The following DAB2IP variants were observed in gnomAD, a reference collection of about 807,000 sequenced individuals.
The protein encoded by DAB2IP is disabled homolog 2-interacting protein.
In DAB2IP, 28 loss-of-function variants were observed where a neutral mutation model predicts 107.2. That is an observed-to-expected ratio of 0.26 (90% CI 0.19 to 0.36). The LOEUF is 0.36. Among genes scored for constraint, DAB2IP ranks in the 10% least tolerant of loss-of-function variants. DAB2IP has a pLI of 1.00. For synonymous variants in DAB2IP, 755 were observed against 706.4 expected, an observed-to-expected ratio of 1.07 and a Z score of -1.09; for missense variants, 1,400 against 1,644.7, an observed-to-expected ratio of 0.85 and a Z score of 2.57.
At chr9:121,682,470 G>A (rs535724167) in intron 2 of DAB2IP, among the ~76,000 whole-genome samples, 9 of 152,304 alleles carry the variant, frequency 5.9e-5, no homozygotes, top group African/African-American at 2.2e-4. Context: ...GCTTGTCAGA[G>A]GTCACCACCC....
intron 1 of DAB2IP, among the ~76,000 whole-genome samples, chr9:121,615,470 G>C (rs923335889): frequency 6.6e-6 from 1 of 152,090 alleles, no homozygotes; most frequent in African/African-American, 2.4e-5. Flanking sequence ...GGAAACCAAA[G>C]CCCAGAGAAC....
At chr9:121,604,659 T>G (rs1342922130) in intron 1 of DAB2IP, among the ~76,000 whole-genome samples, 1 of 152,174 alleles carries the variant, frequency 6.6e-6, no homozygotes, top group Non-Finnish European at 1.5e-5. Context: ...CTCCATTTGT[T>G]CTCATTGCCC....
At position 121,763,886 on chromosome 9, in the gene DAB2IP, G is replaced by A. The variant is rs926537043; in HGVS notation, c.1460+7G>A. 2.5e-6 allele frequency: 4 copies of A among 1,613,174 alleles called. No individual in the cohort carries two copies. The African/African-American group carries it at 5.3e-5, about 22-fold the overall frequency. Reference sequence around the variant, plus strand: ...AGATCATCAACTCCTACTGGTCAGTGCGGTGCCCAGGTCTCCCCACCCTGT... The same window carrying A: ...AGATCATCAACTCCTACTGGTCAGTACGGTGCCCAGGTCTCCCCACCCTGT... On this transcript the variant is annotated splice_region_variant and intron_variant, in intron 8 of 15. Transcript: ENST00000408936.
chr9:121,593,677 T>C (rs1830463057), intron 1 of DAB2IP, among the ~76,000 whole-genome samples: 1 of 148,620 alleles, frequency 6.7e-6, no homozygotes, highest in Non-Finnish European at 1.5e-5. Flanking sequence ...TTTTTTCTTT[T>C]TTTTTTTTGT....
rs543452491 is a variant in DAB2IP, at chr9:121,757,173, C to T, written c.516+7C>T. On this transcript the variant is annotated splice_region_variant and intron_variant, in intron 4 of 15. Transcript: ENST00000408936. The stretch of plus-strand genomic sequence containing the variant: ...CCAGGACTACTGCTTCGAGGTGGGT[C>T]CCATCACAGGGGTTGGGGTGGACAC... The T allele has an allele frequency of 6.2e-6, 10 of 1,613,262 alleles. No homozygotes were observed. In the Admixed American group the frequency reaches 1.0e-4, roughly 16 times the overall value.
intron 14 of DAB2IP, among the ~76,000 whole-genome samples, chr9:121,780,423 G>A (rs963395327): frequency 2.0e-5 from 3 of 152,232 alleles, no homozygotes; most frequent in African/African-American, 7.2e-5. Flanking sequence ...AACCGGCCCC[G>A]GCACAGTGGC....
intron 1 of DAB2IP, among the ~76,000 whole-genome samples, chr9:121,661,685 CAAT>C (rs780824172): frequency 6.6e-6 from 1 of 152,210 alleles, no homozygotes; most frequent in Non-Finnish European, 1.5e-5. Context: ...ACAACAACAA[CAAT>C]AATAATGTTT....
At position 121,615,948 on chromosome 9, in the gene DAB2IP, G is replaced by A. The variant is rs375301255; in HGVS notation, c.40+48720G>A. On this transcript the variant is annotated intron_variant, in intron 1 of 16. Coordinates refer to the DAB2IP transcript ENST00000259371. Reference sequence around the variant, plus strand: ...GCCTCAAAGATCTTTTGGCCTTGTCGAGGTGGCGAGATGGACATATGGAAT... The same window carrying A: ...GCCTCAAAGATCTTTTGGCCTTGTCAAGGTGGCGAGATGGACATATGGAAT... 4.6e-5 allele frequency among the ~76,000 whole-genome samples: 7 copies of A among 152,262 alleles called. No homozygotes were observed. In the East Asian group the frequency reaches 5.8e-4, roughly 13 times the overall value.
At chr9:121,758,145 G>A (rs550780337) in intron 4 of DAB2IP, among the ~76,000 whole-genome samples, 9 of 152,334 alleles carry the variant, frequency 5.9e-5, no homozygotes, top group South Asian at 2.1e-4. Context: ...CTCGAATGCC[G>A]TGTGAGGAGT....
At chr9:121,784,522 CTTAT>C (rs1344040353) in exon 16 of DAB2IP, 3 of 154,388 alleles carry the variant, frequency 1.9e-5, no homozygotes, top group African/African-American at 7.2e-5. Flanking sequence ...GGCCGAGAGC[CTTAT>C]TTACCTAGTG....
At chr9:121,689,822 C>T (rs528565937) in intron 2 of DAB2IP, among the ~76,000 whole-genome samples, 1 of 152,344 alleles carries the variant, frequency 6.6e-6, no homozygotes, top group East Asian at 1.9e-4. Flanking sequence ...GGAAAGAATT[C>T]AGAGATCAGC....
chr9:121,761,739 C>T (rs1409195498), intron 6 of DAB2IP, among the ~76,000 whole-genome samples: 3 of 152,198 alleles, frequency 2.0e-5, no homozygotes, highest in African/African-American at 2.4e-5. Context: ...CTAGGCTGCA[C>T]GTTGGGCCAG....
At chr9:121,621,002 C>A (rs1422072821) in intron 1 of DAB2IP, among the ~76,000 whole-genome samples, 1 of 152,208 alleles carries the variant, frequency 6.6e-6, no homozygotes. Context: ...CCTGCTCCCC[C>A]AGGTCCCAAC....
intron 3 of DAB2IP, among the ~76,000 whole-genome samples, chr9:121,704,051 G>A (rs1037515933): frequency 6.6e-6 from 1 of 151,942 alleles, no homozygotes; most frequent in Non-Finnish European, 1.5e-5. Flanking sequence ...CTTCCGTTTG[G>A]GTCATACTTG....
chr9:121,715,086 C>T (rs961123514), intron 3 of DAB2IP, among the ~76,000 whole-genome samples: 3 of 152,228 alleles, frequency 2.0e-5, no homozygotes, highest in Admixed American at 6.5e-5. Context: ...GAACCCATGC[C>T]AAGGGGCATG....
Position 121,772,708 on chromosome 9 carries a change from C to G in DAB2IP, c.2180C>G (p.Ser727Trp). 6.2e-7 allele frequency: 1 copy of G among 1,613,996 alleles called. No individual in the cohort carries two copies. The highest frequency in any genetic ancestry group is 8.5e-7 in the Non-Finnish European group (1 of 1,180,010). The change falls in exon 12 of 16, where the codon TCG becomes TGG. Residue 727 changes from serine (S) to tryptophan (W), a missense_variant. This residue lies in a region of DAB2IP where 600 missense variants were observed against 659.1 expected (regional missense o/e 0.91). Coordinates refer to ENST00000408936, the Ensembl canonical transcript of DAB2IP. The surrounding 1 kb of genome is among the most constrained non-coding windows in gnomAD (Gnocchi z 4.7). The stretch of plus-strand genomic sequence containing the variant: ...GTCCAGCCCTCACCTGCCCGCAGCT[C>G]GAGTTACTCGGAAGCCAACGAGCCT...
chr9:121,686,827 C>T (rs1357311957), intron 2 of DAB2IP, among the ~76,000 whole-genome samples: 3 of 152,190 alleles, frequency 2.0e-5, no homozygotes, highest in Non-Finnish European at 2.9e-5. Flanking sequence ...CCCCACATTT[C>T]CTCCAGAGCC....
Position 121,760,361 on chromosome 9 carries a change from G to A in DAB2IP, c.1092G>A (p.Glu364=), listed in dbSNP as rs758957940. The stretch of plus-strand genomic sequence containing the variant: ...ACCTGGGGCTGTGTGCAGCCCTCGA[G>A]CCCATCCTCAGTGCCAAGACCAAGG... The change falls in exon 6 of 16, where the codon GAG becomes GAA. Residue 364 remains glutamate, a synonymous_variant. Coordinates refer to ENST00000408936, the Ensembl canonical transcript of DAB2IP. The surrounding 1 kb of genome is among the most constrained non-coding windows in gnomAD (Gnocchi z 5.9). 4 of 1,612,338 alleles carry A rather than the reference G, an allele frequency of 2.5e-6. No individual in the cohort carries two copies. The highest frequency in any genetic ancestry group is 3.4e-6 in the Non-Finnish European group (4 of 1,180,002).
At chr9:121,708,797 C>T (rs1477005991) in intron 3 of DAB2IP, among the ~76,000 whole-genome samples, 1 of 152,230 alleles carries the variant, frequency 6.6e-6, no homozygotes, top group Non-Finnish European at 1.5e-5. Flanking sequence ...AGGAGTGGAT[C>T]TTGTACCCTT....
Sources: allele counts gnomAD v4.1 joint callset (sites outside exome capture counted in the v4.1 genomes callset), GRCh38; gene constraint gnomAD v4.1.1; regional missense constraint gnomAD v4.1.1; non-coding constraint Gnocchi (gnomAD v3.1); transcripts MANE v1.5; gene names NCBI Gene and HGNC (gene_info 2026-07-23, HGNC 2026-07-21).